Variants in RNF38 observed in about 807,000 individuals in gnomAD.
The protein encoded by RNF38 is ring finger protein 38.
A neutral mutation model predicts 67.2 loss-of-function variants in RNF38; 15 were observed. That is an observed-to-expected ratio of 0.22 (90% confidence interval 0.15 to 0.34). RNF38 has a LOEUF of 0.34. Among genes scored for constraint, RNF38 ranks in the 10% least tolerant of loss-of-function variants. The pLI is 1.00. For missense variants in RNF38, 524 were observed against 639.9 expected (o/e 0.82, Z 1.95); for synonymous variants, 220 against 218.8 (o/e 1.01, Z -0.05).
At chr9:36,383,858 G>A (rs532250903) in intron 2 of RNF38, among the ~76,000 whole-genome samples, 1 of 151,792 alleles carries the variant, frequency 6.6e-6, no homozygotes, top group African/African-American at 2.4e-5. Flanking sequence ...TTGATATGCA[G>A]TGGCTGCTCA....
chr9:36,445,028 T>C (rs1839270362), intron 1 of RNF38, among the ~76,000 whole-genome samples: 1 of 150,934 alleles, frequency 6.6e-6, no homozygotes, highest in African/African-American at 2.4e-5. Flanking sequence ...GGTTCAAATC[T>C]CCTGGACTAT....
At chr9:36,365,050 T>C (rs1834837533) in intron 4 of RNF38, among the ~76,000 whole-genome samples, 1 of 152,214 alleles carries the variant, frequency 6.6e-6, no homozygotes, top group African/African-American at 2.4e-5. Flanking sequence ...TGTGTTCCAA[T>C]AAAACTTTAC....
At chr9:36,465,580 G>C (rs1347634753) in intron 1 of RNF38, among the ~76,000 whole-genome samples, 1 of 152,016 alleles carries the variant, frequency 6.6e-6, no homozygotes, top group African/African-American at 2.4e-5. Flanking sequence ...CCTGACCTCA[G>C]GTGATCCGCC....
intron 10 of RNF38, among the ~76,000 whole-genome samples, chr9:36,343,558 C>A (rs1833001353): frequency 6.6e-6 from 1 of 151,772 alleles, no homozygotes; most frequent in South Asian, 2.1e-4. Context: ...CAGGAAATAC[C>A]ACTTCACAAT....
chr9:36,406,151 T>C (rs546649806), upstream of RNF38, among the ~76,000 whole-genome samples: 21 of 152,320 alleles, frequency 1.4e-4, no homozygotes, highest in South Asian at 2.5e-3. Flanking sequence ...CTGACACCGA[T>C]GTTGGGGGGA....
rs972042812 is a variant in RNF38 at position 36,348,970 on chromosome 9, T to C, written c.1263+2145A>G. 3.9e-5 allele frequency among the ~76,000 whole-genome samples: 6 copies of C among 152,194 alleles called. 1 individual carries two copies. Among genetic ancestry groups the C allele is most frequent in the Non-Finnish European group, 8.8e-5 (6 of 68,042 alleles). ...CTTCAAAGAACAGGCTGACTCTTTT[T>C]GGGGGGATAACACAGCTGGTGACTG... On this transcript the variant is annotated intron_variant, in intron 9 of 11. Transcript: ENST00000259605.
At chr9:36,350,706 C>A (rs1327434249) in intron 9 of RNF38, among the ~76,000 whole-genome samples, 8 of 152,200 alleles carry the variant, frequency 5.3e-5, no homozygotes, top group African/African-American at 1.9e-4. Flanking sequence ...ACCAATCTAC[C>A]TACCTGTTAT....
At chr9:36,401,053 G>T, upstream of RNF38, 2 of 984,572 alleles carry the variant, frequency 2.0e-6, no homozygotes, top group Non-Finnish European at 2.4e-6. Context: ...CCCACTTCTT[G>T]GGTCCGGGTC....
intron 2 of RNF38, among the ~76,000 whole-genome samples, chr9:36,378,414 G>A (rs990698358): frequency 2.0e-5 from 3 of 152,066 alleles, no homozygotes; most frequent in African/African-American, 7.2e-5. Context: ...CTGACCTCAT[G>A]ATCTGCCCAT....
At chr9:36,389,084 C>T (rs1013417240) in intron 2 of RNF38, among the ~76,000 whole-genome samples, 2 of 152,080 alleles carry the variant, frequency 1.3e-5, no homozygotes, top group African/African-American at 2.4e-5. Flanking sequence ...CTAGATCCCC[C>T]TCCACCCCCG....
At chr9:36,408,163 A>T (rs976306881) in intron 2 of RNF38, among the ~76,000 whole-genome samples, 1 of 152,124 alleles carries the variant, frequency 6.6e-6, no homozygotes, top group African/African-American at 2.4e-5. Flanking sequence ...CAGTGTCATG[A>T]TCACAGCTCA....
chr9:36,391,568 T>C (rs888168422), intron 1 of RNF38, among the ~76,000 whole-genome samples: 2 of 152,024 alleles, frequency 1.3e-5, no homozygotes, highest in African/African-American at 2.4e-5. Context: ...TAAGCATCTA[T>C]TTGGTGACAG....
At chr9:36,418,044 T>G (rs1587101577) in intron 2 of RNF38, among the ~76,000 whole-genome samples, 1 of 149,672 alleles carries the variant, frequency 6.7e-6, no homozygotes, top group African/African-American at 2.4e-5. Context: ...ACAATCAATA[T>G]GTGATTTTTT....
At chr9:36,339,870 T>C (rs1832715747) in intron 11 of RNF38, 56 bp from the exon 12 acceptor site, 1 of 1,343,030 alleles carries the variant, frequency 7.4e-7, no homozygotes, top group South Asian at 1.2e-5. Context: ...TGAAACACAT[T>C]CAAAGCAATG....
At chr9:36,381,188 T>A (rs1006573593) in intron 2 of RNF38, among the ~76,000 whole-genome samples, 1 of 152,118 alleles carries the variant, frequency 6.6e-6, no homozygotes, top group African/African-American at 2.4e-5. Context: ...TAAAAACTCA[T>A]CCAGAACTAC....
chr9:36,368,055 G>A (rs976237953), intron 4 of RNF38, among the ~76,000 whole-genome samples: 5 of 152,132 alleles, frequency 3.3e-5, no homozygotes, highest in African/African-American at 1.2e-4. Flanking sequence ...GTTTCACCAT[G>A]TTGGCCAGGC....
chr9:36,376,257 T>C, intron 2 of RNF38, 130 bp from the exon 3 acceptor site: 1 of 638,138 alleles, frequency 1.6e-6, no homozygotes, highest in Non-Finnish European at 2.5e-6. Flanking sequence ...AAATATATGC[T>C]ATCAATTCAA....
chr9:36,458,100 T>C (rs1839635392), intron 1 of RNF38, among the ~76,000 whole-genome samples: 1 of 152,190 alleles, frequency 6.6e-6, no homozygotes, highest in African/African-American at 2.4e-5. Context: ...TCTCCTCACA[T>C]ACACCAACGC....
chr9:36,369,983 G>T, intron 3 of RNF38, 51 bp from the exon 4 acceptor site: 1 of 1,453,350 alleles, frequency 6.9e-7, no homozygotes, highest in Non-Finnish European at 9.5e-7. Flanking sequence ...GATCCATCAG[G>T]ATTCTGTATT....
Sources: gnomAD v4.1 joint callset for allele counts (sites outside exome capture counted in the v4.1 genomes callset) on GRCh38, gnomAD v4.1.1 for gene constraint, MANE v1.5 for transcripts, NCBI Gene and HGNC (gene_info 2026-07-23, HGNC 2026-07-21) for gene names.